The following MYO5B variants were observed in gnomAD, a reference collection of about 807,000 sequenced individuals.
MYO5B encodes the protein myosin VB, also known as unconventional myosin-Vb.
A neutral mutation model predicts 229.3 loss-of-function variants in MYO5B; 143 were observed. That is an observed-to-expected ratio of 0.62 (90% confidence interval 0.54 to 0.72). MYO5B has a LOEUF of 0.72. MYO5B is among the 30% of genes least tolerant of loss of function. The pLI is 0.00. For missense variants in MYO5B, 2,321 were observed against 2,331.0 expected (o/e 1.00, Z 0.09); for synonymous variants, 918 against 885.2 (o/e 1.04, Z -0.66).
At chr18:50,157,577 T>TTC (rs1395125599) in intron 1 of MYO5B, among the ~76,000 whole-genome samples, 3 of 152,192 alleles carry the variant, frequency 2.0e-5, no homozygotes, top group Non-Finnish European at 4.4e-5. Context: ...CCAGCCACAT[T>TTC]TCTCTTCTCC....
At chr18:49,826,684 G>C in intron 39 of MYO5B, 61 bp from the exon 40 acceptor site, 1 of 1,587,974 alleles carries the variant, frequency 6.3e-7, no homozygotes. Flanking sequence ...CAGTTTAAGT[G>C]AATTCACAAA....
chr18:50,017,471 C>T (rs894299450), intron 4 of MYO5B, among the ~76,000 whole-genome samples: 3 of 152,148 alleles, frequency 2.0e-5, no homozygotes, highest in African/African-American at 7.2e-5. Flanking sequence ...AGGATGTATC[C>T]ATACTTCATT....
intron 12 of MYO5B, among the ~76,000 whole-genome samples, chr18:49,955,625 AT>A (rs1228770552): frequency 2.6e-5 from 4 of 152,228 alleles, no homozygotes; most frequent in African/African-American, 9.6e-5. Context: ...AAGCAAACTG[AT>A]TTTGCTCAAG....
At chr18:49,995,256 C>CG (rs2025975014) in intron 5 of MYO5B, among the ~76,000 whole-genome samples, 1 of 43,234 alleles carries the variant, frequency 2.3e-5, no homozygotes, top group African/African-American at 7.7e-5. Context: ...TCACTTATAT[C>CG]CTTTTTTTTT....
chr18:49,986,127 G>A (rs2025867856), intron 7 of MYO5B, among the ~76,000 whole-genome samples: 1 of 152,144 alleles, frequency 6.6e-6, no homozygotes, highest in African/African-American at 2.4e-5. Flanking sequence ...TTGTGAAGTG[G>A]CCACCACATA....
chr18:49,930,356 G>A (rs2025176120), intron 16 of MYO5B, among the ~76,000 whole-genome samples: 1 of 152,110 alleles, frequency 6.6e-6, no homozygotes, highest in Non-Finnish European at 1.5e-5. Flanking sequence ...TCAGAGATAT[G>A]TGCACCATTT....
chr18:49,986,914 A>G (rs866342187), intron 7 of MYO5B, among the ~76,000 whole-genome samples: 3 of 152,274 alleles, frequency 2.0e-5, no homozygotes, highest in South Asian at 2.1e-4. Flanking sequence ...ATTGTAGAAA[A>G]ACGACAATTT....
chr18:50,009,326 C>T (rs560697015), intron 4 of MYO5B, among the ~76,000 whole-genome samples: 66 of 152,122 alleles, frequency 4.3e-4, no homozygotes, highest in South Asian at 2.5e-3. Flanking sequence ...TGCAGTGAGC[C>T]GAGATTGCAC....
At chr18:49,874,434 T>C (rs771223844) in intron 26 of MYO5B, among the ~76,000 whole-genome samples, 8 of 152,230 alleles carry the variant, frequency 5.3e-5, no homozygotes, top group South Asian at 2.1e-4. Context: ...TCAGGGCAGC[T>C]TTCCTTCTAA....
intron 1 of MYO5B, among the ~76,000 whole-genome samples, chr18:50,167,084 A>G (rs190308166): frequency 6.6e-6 from 1 of 152,374 alleles, no homozygotes; most frequent in African/African-American, 2.4e-5. Context: ...GCATCTTTTC[A>G]GCAACTGCCC....
At chr18:49,880,853 ACT>A (rs1474850923) in intron 22 of MYO5B, among the ~76,000 whole-genome samples, 5 of 152,162 alleles carry the variant, frequency 3.3e-5, no homozygotes, top group Non-Finnish European at 7.3e-5. Context: ...ATGTGGGCAA[ACT>A]CACATCTGCA....
intron 1 of MYO5B, among the ~76,000 whole-genome samples, chr18:50,082,462 C>T (rs2031240733): frequency 6.6e-6 from 1 of 152,228 alleles, no homozygotes; most frequent in South Asian, 2.1e-4. Context: ...GAGCTATCAA[C>T]ATGCAGAAGT....
At chr18:50,044,126 T>G (rs1436825085) in intron 2 of MYO5B, among the ~76,000 whole-genome samples, 1 of 152,128 alleles carries the variant, frequency 6.6e-6, no homozygotes, top group East Asian at 1.9e-4. Context: ...GGTATTGGTT[T>G]CAGTAAAACT....
intron 1 of MYO5B, among the ~76,000 whole-genome samples, chr18:50,144,290 C>T (rs1003596843): frequency 8.5e-5 from 13 of 152,184 alleles, no homozygotes; most frequent in Non-Finnish European, 1.5e-4. Context: ...GTGCTTTGGA[C>T]GCATAAAGAC....
chr18:49,880,777 G>A (rs768826430), intron 22 of MYO5B, among the ~76,000 whole-genome samples: 13 of 152,322 alleles, frequency 8.5e-5, no homozygotes, highest in South Asian at 2.1e-4. Context: ...CCTGTGGATC[G>A]TGACCAAGTC....
intron 22 of MYO5B, among the ~76,000 whole-genome samples, chr18:49,885,688 C>G (rs2024634586): frequency 6.6e-6 from 1 of 152,122 alleles, no homozygotes; most frequent in Non-Finnish European, 1.5e-5. Flanking sequence ...CTGCCCCACC[C>G]TCGGCATCAG....
intron 19 of MYO5B, 133 bp downstream of exon 19, chr18:49,906,286 C>T (rs561704775): frequency 2.3e-6 from 2 of 887,322 alleles, no homozygotes; most frequent in Non-Finnish European, 1.8e-6. Flanking sequence ...CGAGGAAAAG[C>T]CAAGATGCAG....
Position 49,863,253 on chromosome 18 carries a change from G to A in MYO5B, c.3918C>T (p.Ala1306=), listed in dbSNP as rs762267857. Residue 1306 remains alanine, a synonymous_variant, in exon 29 of 40, where the codon GCC becomes GCT. Coordinates refer to ENST00000285039, the MANE Select transcript of MYO5B (RefSeq NM_001080467.3). ...TGTTTGTCTGGCAGACCCCGTGATA[G>A]GCCTCAATGGCATCCTCCTGGTCAA... is the stretch of plus-strand genomic sequence containing the variant. The part of the protein sequence containing the change: ...KHVDQEDAIE[A]YHGVCQTNSK... The A allele has an allele frequency of 6.2e-7, 1 of 1,613,354 alleles. No homozygotes were observed. The highest frequency in any genetic ancestry group is 8.5e-7 in the Non-Finnish European group (1 of 1,179,958).
At chr18:49,929,785 G>A (rs2025169971) in intron 16 of MYO5B, among the ~76,000 whole-genome samples, 187 bp from the exon 17 acceptor site, 1 of 152,154 alleles carries the variant, frequency 6.6e-6, no homozygotes, top group Non-Finnish European at 1.5e-5. Flanking sequence ...CCAATGTGCA[G>A]GCACCTGAGC....
Sources: allele counts gnomAD v4.1 joint callset (sites outside exome capture counted in the v4.1 genomes callset), GRCh38; gene constraint gnomAD v4.1.1; transcripts MANE v1.5; gene names NCBI Gene and HGNC (gene_info 2026-07-23, HGNC 2026-07-21).